Variants in DLGAP1 observed in about 807,000 individuals in gnomAD.
The protein encoded by DLGAP1 is DLG associated protein 1, also known as disks large-associated protein 1.
Under a neutral mutation model 90.8 loss-of-function variants are expected in DLGAP1, and 11 were observed. The observed-to-expected ratio is 0.12, with a 90% CI of 0.08 to 0.20. DLGAP1 has a LOEUF of 0.20. DLGAP1 is among the 10% of genes least tolerant of loss of function. The pLI, the probability that DLGAP1 is intolerant of heterozygous loss-of-function variation, is 1.00. For synonymous variants in DLGAP1, 558 were observed against 540.7 expected, an observed-to-expected ratio of 1.03 and a Z score of -0.44; for missense variants, 1,050 against 1,333.8, an observed-to-expected ratio of 0.79 and a Z score of 3.31.
chr18:4,081,257 G>A (rs1366497616), intron 2 of DLGAP1, among the ~76,000 whole-genome samples: 1 of 151,206 alleles, frequency 6.6e-6, no homozygotes, highest in African/African-American at 2.4e-5. Flanking sequence ...GGAGGTTGTG[G>A]TGAGCCGAGA....
chr18:3,572,575 G>A (rs1002749264), intron 8 of DLGAP1, among the ~76,000 whole-genome samples: 1 of 152,026 alleles, frequency 6.6e-6, no homozygotes, highest in African/African-American at 2.4e-5. Flanking sequence ...TCAGCCTCCC[G>A]AGTAGCTGGG....
intron 7 of DLGAP1, among the ~76,000 whole-genome samples, chr18:3,630,295 A>C (rs2058478039): frequency 6.6e-6 from 1 of 152,166 alleles, no homozygotes; most frequent in Non-Finnish European, 1.5e-5. Context: ...TCCAGCCTTC[A>C]GACTTGGCCT....
chr18:3,657,942 T>C (rs982658115), intron 7 of DLGAP1, among the ~76,000 whole-genome samples: 1 of 152,204 alleles, frequency 6.6e-6, no homozygotes, highest in African/African-American at 2.4e-5. Flanking sequence ...CAAACTCTTG[T>C]ATCTGTAGCC....
Position 3,729,327 on chromosome 18 carries a change from C to T in DLGAP1, c.1399G>A (p.Val467Met). The change falls in exon 7 of 13, where the codon GTG becomes ATG. Residue 467 changes from valine to methionine, a missense_variant. This residue lies in a region of DLGAP1 where 565 missense variants were observed against 879.7 expected (regional missense o/e 0.64). Coordinates refer to ENST00000315677, the MANE Select transcript of DLGAP1 (RefSeq NM_004746.4). The surrounding 1 kb of genome is among the most constrained non-coding windows in gnomAD (Gnocchi z 6.2). ...GCCTGCGACTCCAGCTCGCTGAACA[C>T]GGACTCGCACACGGACTCGAACTGC... ...NGQFESVCES[V>M]FSELESQAVE... 2 of 1,614,042 alleles carry T rather than the reference C, an allele frequency of 1.2e-6. No homozygotes were observed. The highest frequency in any genetic ancestry group is 1.7e-6 in the Non-Finnish European group (2 of 1,179,912).
At chr18:3,884,104 G>A (rs1410657404) in intron 3 of DLGAP1, among the ~76,000 whole-genome samples, 1 of 152,182 alleles carries the variant, frequency 6.6e-6, no homozygotes, top group East Asian at 1.9e-4. Flanking sequence ...AGAAAACCTT[G>A]GGATTGCTTT....
At chr18:4,422,173 G>A (rs1411849003) in intron 1 of DLGAP1, among the ~76,000 whole-genome samples, 2 of 151,360 alleles carry the variant, frequency 1.3e-5, no homozygotes, top group Non-Finnish European at 2.9e-5. Context: ...CTTACCTGAG[G>A]CTTAATTTAT....
At chr18:3,728,331 T>C (rs892553317) in intron 7 of DLGAP1, among the ~76,000 whole-genome samples, 3 of 143,852 alleles carry the variant, frequency 2.1e-5, no homozygotes, top group African/African-American at 7.9e-5. Context: ...TATATATACA[T>C]GTTTCATATG....
chr18:4,200,447 T>C (rs1384573499), intron 1 of DLGAP1, among the ~76,000 whole-genome samples: 1 of 151,764 alleles, frequency 6.6e-6, no homozygotes, highest in African/African-American at 2.4e-5. Flanking sequence ...TTCTACCTTG[T>C]CAAGTTACCA....
intron 3 of DLGAP1, among the ~76,000 whole-genome samples, chr18:3,881,219 G>T (rs1341439627): frequency 2.0e-5 from 3 of 151,792 alleles, no homozygotes; most frequent in Non-Finnish European, 4.4e-5. Context: ...CTCTCTCCCG[G>T]GTTCAAGTGA....
chr18:4,334,905 A>G (rs1035046293), intron 1 of DLGAP1, among the ~76,000 whole-genome samples: 2 of 151,990 alleles, frequency 1.3e-5, no homozygotes, highest in African/African-American at 4.9e-5. Flanking sequence ...TAAAAGGTAC[A>G]GTGAAGAAAG....
intron 4 of DLGAP1, among the ~76,000 whole-genome samples, chr18:3,848,673 C>G (rs1401055975): frequency 1.3e-5 from 2 of 152,166 alleles, no homozygotes; most frequent in Non-Finnish European, 2.9e-5. Context: ...AACCTGGGTA[C>G]TCTTTTTGGA....
intron 7 of DLGAP1, among the ~76,000 whole-genome samples, chr18:3,583,297 CTT>C (rs2055678831): frequency 6.7e-6 from 1 of 150,338 alleles, no homozygotes; most frequent in African/African-American, 2.5e-5. Context: ...CTCCTTCAGT[CTT>C]TTTCTTTTCT....
At chr18:4,337,599 A>G (rs1429804821) in intron 1 of DLGAP1, among the ~76,000 whole-genome samples, 1 of 152,200 alleles carries the variant, frequency 6.6e-6, no homozygotes, top group Non-Finnish European at 1.5e-5. Context: ...CTAGTATTCT[A>G]TAAAAATCAC....
intron 10 of DLGAP1, among the ~76,000 whole-genome samples, chr18:3,521,970 T>C (rs933123670): frequency 6.6e-6 from 1 of 152,198 alleles, no homozygotes; most frequent in Non-Finnish European, 1.5e-5. Context: ...AGCTGGGGTA[T>C]TATTCCTCTT....
At chr18:4,403,953 T>C (rs971912228) in intron 1 of DLGAP1, among the ~76,000 whole-genome samples, 7 of 151,982 alleles carry the variant, frequency 4.6e-5, no homozygotes, top group Non-Finnish European at 7.4e-5. Context: ...GCTCAGAGAG[T>C]GTGGGAAGAC....
intron 10 of DLGAP1, among the ~76,000 whole-genome samples, chr18:3,521,651 T>C (rs2051197682): frequency 6.6e-6 from 1 of 152,166 alleles, no homozygotes; most frequent in Non-Finnish European, 1.5e-5. Context: ...TCACTGCTCC[T>C]AAAATTCCCC....
intron 4 of DLGAP1, among the ~76,000 whole-genome samples, chr18:3,825,609 T>G (rs942804504): frequency 1.9e-4 from 29 of 152,310 alleles, no homozygotes; most frequent in Middle Eastern, 3.4e-3. Flanking sequence ...CCATGGTTGG[T>G]TAAATCCACA....
intron 1 of DLGAP1, among the ~76,000 whole-genome samples, chr18:4,253,552 A>G (rs1458565318): frequency 1.3e-5 from 2 of 152,108 alleles, no homozygotes; most frequent in Admixed American, 1.3e-4. Context: ...CTGGGATTAC[A>G]GATGCACACC....
intron 3 of DLGAP1, among the ~76,000 whole-genome samples, chr18:3,952,103 A>C (rs1310458806): frequency 1.3e-5 from 2 of 152,230 alleles, no homozygotes; most frequent in Non-Finnish European, 2.9e-5. Context: ...GTTATATTAC[A>C]TTCTTGCTAG....
Sources: gnomAD v4.1 joint callset for allele counts (sites outside exome capture counted in the v4.1 genomes callset) on GRCh38, gnomAD v4.1.1 for gene constraint, gnomAD v4.1.1 regional missense constraint, Gnocchi (gnomAD v3.1) non-coding constraint, MANE v1.5 for transcripts, NCBI Gene and HGNC (gene_info 2026-07-23, HGNC 2026-07-21) for gene names.